The following GRID1 variants were observed in gnomAD, a reference collection of about 807,000 sequenced individuals.
GRID1 encodes the protein glutamate receptor ionotropic, delta-1.
In GRID1, 28 loss-of-function variants were observed where a neutral mutation model predicts 98.0. The observed-to-expected ratio is 0.29, with a 90% CI of 0.21 to 0.39. The LOEUF (loss-of-function observed/expected upper bound fraction) is 0.39. GRID1 is among the 10% of genes least tolerant of loss of function. The probability of loss-of-function intolerance (pLI) is 1.00; values close to 1 mark genes in which losing one functional copy is unlikely to be tolerated. For missense variants in GRID1, 1,111 were observed against 1,340.5 expected (o/e 0.83, Z 2.67); for synonymous variants, 553 against 538.5 (o/e 1.03, Z -0.37).
chr10:85,855,924 A>AGTAG, intron 7 of GRID1, 105 bp downstream of exon 7: 1 of 955,780 alleles, frequency 1.0e-6, no homozygotes, highest in Non-Finnish European at 1.6e-6. Context: ...CTACTGGGGC[A>AGTAG]GCCACACAGA....
chr10:85,765,394 T>C (rs1842187962), intron 8 of GRID1, among the ~76,000 whole-genome samples: 1 of 152,160 alleles, frequency 6.6e-6, no homozygotes, highest in South Asian at 2.1e-4. Context: ...TCCAGTTTAG[T>C]AATATTTGAA....
intron 2 of GRID1, among the ~76,000 whole-genome samples, chr10:86,332,722 C>A (rs1848164849): frequency 6.6e-6 from 1 of 152,068 alleles, no homozygotes; most frequent in African/African-American, 2.4e-5. Flanking sequence ...CCCAGGTCCC[C>A]CAAGTACCCC....
intron 2 of GRID1, among the ~76,000 whole-genome samples, chr10:86,275,490 A>G (rs996085000): frequency 6.6e-6 from 1 of 152,156 alleles, no homozygotes; most frequent in African/African-American, 2.4e-5. Flanking sequence ...AAATATGCTG[A>G]AAGTGGTAAA....
At chr10:86,142,195 C>A (rs914006784) in intron 3 of GRID1, among the ~76,000 whole-genome samples, 1 of 152,134 alleles carries the variant, frequency 6.6e-6, no homozygotes, top group African/African-American at 2.4e-5. Context: ...GATGCACAAG[C>A]GAGCCCAGAG....
intron 4 of GRID1, among the ~76,000 whole-genome samples, chr10:85,920,357 G>A (rs747346213): frequency 3.3e-5 from 5 of 152,140 alleles, no homozygotes; most frequent in Admixed American, 1.3e-4. Flanking sequence ...ATCAGTCAGC[G>A]CAAAGTTCCT....
intron 4 of GRID1, among the ~76,000 whole-genome samples, chr10:85,963,994 GACAA>G (rs1472038356): frequency 2.0e-5 from 3 of 152,082 alleles, no homozygotes; most frequent in South Asian, 2.1e-4. Context: ...AGCAATAACA[GACAA>G]ACAGAGAGCC....
intron 3 of GRID1, among the ~76,000 whole-genome samples, chr10:86,156,214 T>C (rs1845243939): frequency 6.6e-6 from 1 of 152,216 alleles, no homozygotes; most frequent in South Asian, 2.1e-4. Flanking sequence ...CACATCCGTC[T>C]TCCTCTGGAA....
rs1168119413 is a variant in GRID1, at chr10:85,648,404, T to A, written c.1998-1007A>T. ...GAATTGCAAAATAAAAAAAGCCCAG[T>A]GGGGAGCCAGCCTCTCTCTCCAGGT... is the stretch of plus-strand genomic sequence containing the variant. On this transcript the variant is annotated intron_variant, in intron 12 of 15. Transcript: ENST00000327946. Among the ~76,000 whole-genome samples, 4 of 152,162 alleles carry A rather than the reference T, an allele frequency of 2.6e-5. No homozygotes were observed. The East Asian group carries it at 7.7e-4, about 29-fold the overall frequency.
chr10:86,296,752 T>C (rs887504816), intron 2 of GRID1, among the ~76,000 whole-genome samples: 2 of 149,684 alleles, frequency 1.3e-5, no homozygotes, highest in Non-Finnish European at 1.5e-5. Flanking sequence ...AATAAATATA[T>C]AAATACATAC....
intron 8 of GRID1, among the ~76,000 whole-genome samples, chr10:85,797,182 A>T (rs898584998): frequency 2.0e-4 from 31 of 152,180 alleles, no homozygotes; most frequent in African/African-American, 7.0e-4. Flanking sequence ...AGAGTTTTTT[A>T]AAAAACCTCA....
At chr10:86,327,156 T>C (rs1848062896) in intron 2 of GRID1, among the ~76,000 whole-genome samples, 1 of 152,226 alleles carries the variant, frequency 6.6e-6, no homozygotes, top group East Asian at 1.9e-4. Flanking sequence ...ACAAAAAGAA[T>C]TTGATTTCAA....
intron 10 of GRID1, among the ~76,000 whole-genome samples, chr10:85,726,704 T>C (rs1459903675): frequency 6.6e-6 from 1 of 152,140 alleles, no homozygotes; most frequent in Non-Finnish European, 1.5e-5. Flanking sequence ...ACACAAAATG[T>C]TCACTGAAGC....
chr10:85,894,623 G>A (rs1841257929), intron 5 of GRID1, among the ~76,000 whole-genome samples: 1 of 152,122 alleles, frequency 6.6e-6, no homozygotes, highest in Non-Finnish European at 1.5e-5. Flanking sequence ...GGTTTTTTAA[G>A]TGTCAATTGT....
chr10:85,738,738 C>A (rs144428194), intron 8 of GRID1, among the ~76,000 whole-genome samples: 216 of 152,280 alleles, frequency 1.4e-3, no homozygotes, highest in African/African-American at 4.9e-3. Flanking sequence ...GTGAATGAAG[C>A]CAGACATAGG....
intron 4 of GRID1, among the ~76,000 whole-genome samples, chr10:85,951,927 A>G (rs1842130887): frequency 6.6e-6 from 1 of 152,222 alleles, no homozygotes; most frequent in African/African-American, 2.4e-5. Flanking sequence ...GCCTTGCCTG[A>G]GTAGGTCCAT....
chr10:85,611,905 A>G (rs1842736064), intron 15 of GRID1, among the ~76,000 whole-genome samples: 1 of 152,230 alleles, frequency 6.6e-6, no homozygotes, highest in Non-Finnish European at 1.5e-5. Flanking sequence ...TATTCCTTTC[A>G]GGGCCTTTTC....
At chr10:86,082,207 C>T (rs554516906) in intron 4 of GRID1, among the ~76,000 whole-genome samples, 15 of 152,102 alleles carry the variant, frequency 9.9e-5, no homozygotes, top group Non-Finnish European at 7.3e-5. Flanking sequence ...AATAGCAAGA[C>T]GTAACTACAG....
chr10:85,859,147 C>T (rs1188730538), intron 6 of GRID1, among the ~76,000 whole-genome samples: 2 of 152,206 alleles, frequency 1.3e-5, no homozygotes, highest in South Asian at 2.1e-4. Context: ...GTTGCCAGCT[C>T]ATGAATGTGT....
chr10:85,674,606 G>A lies in GRID1; in HGVS notation c.1998-27209C>T, dbSNP rs977187994. On this transcript the variant is annotated intron_variant, in intron 12 of 15. Transcript: ENST00000327946. The stretch of plus-strand genomic sequence containing the variant: ...AGATGAGGATCTGGAGGCTCTGAGA[G>A]GTTAAGGGTTATTCAAGATCACATA... Among the ~76,000 whole-genome samples the A allele has an allele frequency of 2.0e-5, 3 of 152,130 alleles. No homozygotes were observed. In the East Asian group the frequency reaches 5.8e-4, roughly 29 times the overall value.
Sources: gnomAD v4.1 joint callset for allele counts (sites outside exome capture counted in the v4.1 genomes callset) on GRCh38, gnomAD v4.1.1 for gene constraint, MANE v1.5 for transcripts, NCBI Gene and HGNC (gene_info 2026-07-23, HGNC 2026-07-21) for gene names.